RPS6KA5: variants seen among roughly 807,000 people sequenced by gnomAD.
RPS6KA5 encodes ribosomal protein S6 kinase alpha-5.
Under a neutral mutation model 85.5 loss-of-function variants are expected in RPS6KA5, and 27 were observed. The observed-to-expected ratio is 0.32, with a 90% confidence interval of 0.23 to 0.44. RPS6KA5 has a LOEUF of 0.44. Ranked by LOEUF, RPS6KA5 falls within the 20% of genes least tolerant of loss-of-function variation. The pLI is 1.00. For synonymous variants in RPS6KA5, 334 were observed against 348.2 expected (o/e 0.96, Z 0.46); for missense variants, 811 against 980.9 (o/e 0.83, Z 2.31).
intron 7 of RPS6KA5, among the ~76,000 whole-genome samples, chr14:90,909,435 C>A (rs1385189973): frequency 6.6e-6 from 1 of 152,182 alleles, no homozygotes; most frequent in Non-Finnish European, 1.5e-5. Flanking sequence ...CCATATTAAA[C>A]CCCTCACGTG....
chr14:90,911,624 T>C lies in RPS6KA5; in HGVS notation c.807-5325A>G, dbSNP rs141428846. 4.0e-3 allele frequency among the ~76,000 whole-genome samples: 611 copies of C among 152,298 alleles called. 8 individuals carry two copies. The highest frequency in any genetic ancestry group is 0.014 in the African/African-American group (569 of 41,576). ...AACATATTATGGTGTATCCACTCAATAGTACATTAAGCAGCCATTACAAAA... is the reference window on the plus strand; with the variant it reads ...AACATATTATGGTGTATCCACTCAACAGTACATTAAGCAGCCATTACAAAA... On this transcript the variant is annotated intron_variant, in intron 7 of 16. Coordinates refer to ENST00000614987, the MANE Select transcript of RPS6KA5 (RefSeq NM_004755.4).
chr14:90,935,451 T>C (rs2037204408), intron 5 of RPS6KA5, among the ~76,000 whole-genome samples: 1 of 152,212 alleles, frequency 6.6e-6, no homozygotes, highest in South Asian at 2.1e-4. Flanking sequence ...ATTGTGTCTG[T>C]ATGATAATTC....
chr14:91,043,186 G>A (rs1266733818), intron 1 of RPS6KA5, among the ~76,000 whole-genome samples: 1 of 152,114 alleles, frequency 6.6e-6, no homozygotes, highest in Non-Finnish European at 1.5e-5. Context: ...TCTTCTGGCT[G>A]TTCCTCCTCT....
At chr14:90,903,747 C>T (rs1293048669) in intron 8 of RPS6KA5, among the ~76,000 whole-genome samples, 1 of 152,134 alleles carries the variant, frequency 6.6e-6, no homozygotes, top group Non-Finnish European at 1.5e-5. Flanking sequence ...CTCCTACTAC[C>T]ACATTTTTTC....
chr14:90,904,182 C>T (rs1288594459), intron 8 of RPS6KA5, among the ~76,000 whole-genome samples: 1 of 152,136 alleles, frequency 6.6e-6, no homozygotes, highest in Non-Finnish European at 1.5e-5. Context: ...ATCTCCTGAC[C>T]TAGTGATCCG....
rs753645223 is a variant in RPS6KA5, at chr14:90,906,348, A to G, written c.807-49T>C. ...TTAAAACAAACAGGATGACAAAAAA[A>G]AAAAAAAGCATGGTGAAATACACTT... On this transcript the variant is annotated intron_variant, in intron 7 of 16. Transcript: ENST00000614987. 5.4e-6 allele frequency: 8 copies of G among 1,477,830 alleles called. No individual in the cohort carries two copies. In the African/African-American group the frequency reaches 8.4e-5, roughly 16 times the overall value. The allele number at this position is 1,477,830 out of a possible 1,614,324, so 91.5% of individuals were successfully genotyped here. A position where few individuals can be genotyped will look rare whatever the true frequency, so the allele number is the denominator to read the frequency against.
At chr14:90,906,389 T>C in intron 7 of RPS6KA5, 90 bp from the exon 8 acceptor site, 2 of 1,031,472 alleles carry the variant, frequency 1.9e-6, no homozygotes, top group South Asian at 1.9e-5. Flanking sequence ...CTGAACCACA[T>C]GTGAAAGAGA....
chr14:91,060,475 A>C lies in RPS6KA5; in HGVS notation c.-41T>G. On this transcript the variant is annotated 5_prime_UTR_variant, in exon 1 of 17. Transcript: ENST00000614987. ...CGATCCCGCGGGTCGCTACGAGGGGAACCCAGGAGACAGCGGACGCCCGTC... is the reference window on the plus strand; with the variant it reads ...CGATCCCGCGGGTCGCTACGAGGGGCACCCAGGAGACAGCGGACGCCCGTC... The C allele has an allele frequency of 7.4e-7, 1 of 1,352,258 alleles. No individual in the cohort carries two copies. The highest frequency in any genetic ancestry group is 9.6e-7 in the Non-Finnish European group (1 of 1,039,686). 83.8% of individuals were successfully genotyped at this position (1,352,258 alleles called of 1,614,324 possible).
intron 13 of RPS6KA5, among the ~76,000 whole-genome samples, chr14:90,893,668 T>C (rs1009178256): frequency 6.6e-6 from 1 of 152,112 alleles, no homozygotes. Flanking sequence ...TTGGAGAGAA[T>C]ATGTATAATC....
rs1276035446 is a variant in RPS6KA5, at chr14:90,871,882, T to A, written c.*192A>T. On this transcript the variant is annotated 3_prime_UTR_variant, in exon 17 of 17. Coordinates refer to ENST00000614987, the MANE Select transcript of RPS6KA5 (RefSeq NM_004755.4). ...GGTTGCTAAAAAGAGTAATATGTGC[T>A]CTATTCACAGTAACATTCTCTGTCC... is the stretch of plus-strand genomic sequence containing the variant. 1 of 631,718 alleles carries A rather than the reference T, an allele frequency of 1.6e-6. No individual in the cohort carries two copies. Among genetic ancestry groups the A allele is most frequent in the Admixed American group, 3.2e-5 (1 of 31,428 alleles). The allele number at this position is 631,718 out of a possible 1,614,324, so 39.1% of individuals were successfully genotyped here.
At position 91,060,341 on chromosome 14, in the gene RPS6KA5, G is replaced by A. The variant is rs752203024; in HGVS notation, c.94C>T (p.Leu32=). The A allele has an allele frequency of 2.8e-6, 4 of 1,414,460 alleles. No individual in the cohort carries two copies. In the Admixed American group the frequency reaches 7.2e-5, roughly 26 times the overall value. 87.6% of individuals were successfully genotyped at this position (1,414,460 alleles called of 1,614,324 possible). The change falls in exon 1 of 17, where the codon CTG becomes TTG. Residue 32 remains leucine (L), a synonymous_variant. Transcript: ENST00000614987. ...GGGCGGGGTCGCTCACCAGTCCGCAGCTCGTGCTTGACAGTGAGGAGCTGC... is the reference window on the plus strand; with the variant it reads ...GGGCGGGGTCGCTCACCAGTCCGCAACTCGTGCTTGACAGTGAGGAGCTGC... ...GEQLLTVKHE[L]RTANLTGHAE... is the part of the protein sequence containing the mutation.
At chr14:90,964,225 A>G (rs1005479780) in intron 3 of RPS6KA5, among the ~76,000 whole-genome samples, 5 of 152,238 alleles carry the variant, frequency 3.3e-5, no homozygotes, top group African/African-American at 1.2e-4. Flanking sequence ...ATAGCAATCA[A>G]GTCGCATGGC....
At position 90,865,089 on chromosome 14, in the gene RPS6KA5, T is replaced by G. The variant is rs2140119477; in HGVS notation, c.*6985A>C. 6.6e-6 allele frequency: 1 copy of G among 152,228 alleles called. No homozygotes were observed. The highest frequency in any genetic ancestry group is 1.9e-4 in the East Asian group (1 of 5,204). The allele number at this position is 152,228 out of a possible 1,614,324, so 9.4% of individuals were successfully genotyped here. A position where few individuals can be genotyped will look rare whatever the true frequency, so the allele number is the denominator to read the frequency against. On this transcript the variant is annotated 3_prime_UTR_variant, in exon 17 of 17. Coordinates refer to ENST00000614987, the MANE Select transcript of RPS6KA5 (RefSeq NM_004755.4). ...CTGTTTTTTTGAGACAGGGTCTCAC[T>G]CTATCGCCCAGGATGGAATGTAGTG... is the stretch of plus-strand genomic sequence containing the variant.
Position 90,983,787 on chromosome 14 carries a change from TTCTCTCTCTCTCTCTCTC to T in RPS6KA5, c.176-5281_176-5264del, listed in dbSNP as rs770148887. ...TTCTTTCTTTCCTTTCTTTCTTTCT[TTCTCTCTCTCTCTCTCTC>T]TCTCTCTCTCTGTCTCTCTCTCTCT... On this transcript the variant is annotated intron_variant, in intron 2 of 16. Coordinates refer to ENST00000614987, the MANE Select transcript of RPS6KA5 (RefSeq NM_004755.4). Among the ~76,000 whole-genome samples, 3 of 129,334 alleles carry T rather than the reference TTCTCTCTCTCTCTCTCTC, an allele frequency of 2.3e-5. No homozygotes were observed. The South Asian group carries it at 7.6e-4, about 33-fold the overall frequency. The allele number at this position is 129,334 out of a possible 152,430, so 84.8% of individuals were successfully genotyped here. A position where few individuals can be genotyped will look rare whatever the true frequency, so the allele number is the denominator to read the frequency against.
chr14:90,930,096 T>C (rs2036891488), intron 5 of RPS6KA5, among the ~76,000 whole-genome samples: 1 of 152,170 alleles, frequency 6.6e-6, no homozygotes, highest in Non-Finnish European at 1.5e-5. Context: ...GGTCTTGAAC[T>C]CTTGGCCTCA....
intron 14 of RPS6KA5, among the ~76,000 whole-genome samples, chr14:90,881,905 A>G (rs1443648966): frequency 6.6e-6 from 1 of 152,218 alleles, no homozygotes; most frequent in East Asian, 1.9e-4. Context: ...CAGACAGCAT[A>G]TAGTTAATCA....
intron 7 of RPS6KA5, among the ~76,000 whole-genome samples, chr14:90,915,221 C>A (rs1327040483): frequency 6.6e-6 from 1 of 152,162 alleles, no homozygotes; most frequent in Non-Finnish European, 1.5e-5. Context: ...GTAAAGGGCT[C>A]ATGGTAGGCA....
rs1301907166 is a variant in RPS6KA5, at chr14:90,859,195, C to T, written c.*12879G>A. The T allele has an allele frequency of 6.6e-6, 1 of 152,208 alleles. No individual in the cohort carries two copies. The highest frequency in any genetic ancestry group is 1.9e-4 in the East Asian group (1 of 5,202). 9.4% of individuals were successfully genotyped at this position (152,208 alleles called of 1,614,324 possible). A position where few individuals can be genotyped will look rare whatever the true frequency, so the allele number is the denominator to read the frequency against. On this transcript the variant is annotated 3_prime_UTR_variant, in exon 17 of 17. Coordinates refer to ENST00000614987, the MANE Select transcript of RPS6KA5 (RefSeq NM_004755.4). ...TGTACAAGCCCAACAAAGTCTAAAACCAACCTTCAATAGGATTACAGTGAT... is the reference window on the plus strand; with the variant it reads ...TGTACAAGCCCAACAAAGTCTAAAATCAACCTTCAATAGGATTACAGTGAT...
chr14:90,995,040 G>A (rs1490353294), intron 2 of RPS6KA5, among the ~76,000 whole-genome samples: 1 of 152,020 alleles, frequency 6.6e-6, no homozygotes, highest in Non-Finnish European at 1.5e-5. Context: ...GCTTGTGTGT[G>A]GTTTTTTGTT....
Sources: gnomAD v4.1 joint callset for allele counts (sites outside exome capture counted in the v4.1 genomes callset) on GRCh38, gnomAD v4.1.1 for gene constraint, MANE v1.5 for transcripts, NCBI Gene and HGNC (gene_info 2026-07-23, HGNC 2026-07-21) for gene names.